Variants in KLF12 observed in about 807,000 individuals in gnomAD.
KLF12 encodes the protein Krueppel-like factor 12.
In KLF12, 9 loss-of-function variants were observed where a neutral mutation model predicts 37.8. That is an observed-to-expected ratio of 0.24 (90% confidence interval 0.14 to 0.42). The LOEUF (loss-of-function observed/expected upper bound fraction) is 0.42. Among genes scored for constraint, KLF12 ranks in the 10% least tolerant of loss-of-function variants. KLF12 has a pLI of 1.00. For missense variants in KLF12, 411 were observed against 516.0 expected (o/e 0.80, Z 1.97); for synonymous variants, 208 against 202.1 (o/e 1.03, Z -0.25).
intron 3 of KLF12, among the ~76,000 whole-genome samples, chr13:73,852,893 G>C (rs1885407528): frequency 1.4e-5 from 2 of 142,386 alleles, no homozygotes; most frequent in Non-Finnish European, 3.0e-5. Flanking sequence ...TTTTTGAGAC[G>C]GAGTCTTGGT....
At chr13:74,012,374 G>C (rs1892573027) in intron 1 of KLF12, among the ~76,000 whole-genome samples, 1 of 152,152 alleles carries the variant, frequency 6.6e-6, no homozygotes, top group Non-Finnish European at 1.5e-5. Flanking sequence ...AGTCCCAGAG[G>C]ACCAGAAATA....
At chr13:73,715,267 AGG>A in intron 7 of KLF12, 99 bp downstream of exon 7, 1 of 919,308 alleles carries the variant, frequency 1.1e-6, no homozygotes, top group South Asian at 1.8e-5. Context: ...TGGACTTGAG[AGG>A]TACACAGGAT....
chr13:74,051,827 G>T (rs1351449073), intron 1 of KLF12, among the ~76,000 whole-genome samples: 1 of 152,134 alleles, frequency 6.6e-6, no homozygotes, highest in Non-Finnish European at 1.5e-5. Flanking sequence ...GCACAGTAGG[G>T]TGACTATAGT....
intron 3 of KLF12, among the ~76,000 whole-genome samples, chr13:73,885,385 C>T (rs1887174599): frequency 6.6e-6 from 1 of 152,122 alleles, no homozygotes; most frequent in African/African-American, 2.4e-5. Flanking sequence ...CCAAATACAC[C>T]CCATATTGGT....
chr13:74,254,583 C>T, the KLF12 span, among the ~76,000 whole-genome samples: 1 of 152,254 alleles, frequency 6.6e-6, no homozygotes, highest in East Asian at 1.9e-4. Context: ...ACCTCAAAGC[C>T]CATGATCACA....
At chr13:74,020,989 T>C (rs1395877416) in intron 1 of KLF12, among the ~76,000 whole-genome samples, 2 of 152,094 alleles carry the variant, frequency 1.3e-5, no homozygotes, top group Non-Finnish European at 2.9e-5. Flanking sequence ...GGTTTTCCAT[T>C]ACCATCAAGA....
chr13:74,077,071 T>C (rs1209840803), intron 1 of KLF12, among the ~76,000 whole-genome samples: 1 of 152,214 alleles, frequency 6.6e-6, no homozygotes, highest in East Asian at 1.9e-4. Context: ...GTTGATTCCA[T>C]GTCTTTGCTA....
At chr13:74,058,438 G>T (rs1873383282) in intron 1 of KLF12, among the ~76,000 whole-genome samples, 1 of 140,282 alleles carries the variant, frequency 7.1e-6, no homozygotes. Flanking sequence ...CTCACTGCAA[G>T]CTCCGCCTCC....
At chr13:74,067,755 C>G (rs749330547) in intron 1 of KLF12, among the ~76,000 whole-genome samples, 1 of 152,092 alleles carries the variant, frequency 6.6e-6, no homozygotes, top group African/African-American at 2.4e-5. Flanking sequence ...GACAGAGAAA[C>G]AGATATATAA....
intron 6 of KLF12, among the ~76,000 whole-genome samples, chr13:73,750,006 A>G (rs1878634283): frequency 6.6e-6 from 1 of 152,194 alleles, no homozygotes; most frequent in Non-Finnish European, 1.5e-5. Context: ...AGATCACATA[A>G]TTAGAGAGTG....
chr13:73,751,443 T>C (rs932961207), intron 6 of KLF12, among the ~76,000 whole-genome samples: 1 of 152,124 alleles, frequency 6.6e-6, no homozygotes, highest in African/African-American at 2.4e-5. Flanking sequence ...TGGTGTAAGA[T>C]GGAATCTAAA....
chr13:73,807,258 G>A (rs1024541783), intron 5 of KLF12, among the ~76,000 whole-genome samples: 4 of 151,336 alleles, frequency 2.6e-5, no homozygotes, highest in African/African-American at 9.7e-5. Context: ...GCAGTGAGCC[G>A]AGATCGTGCC....
At chr13:73,823,694 T>C (rs1883666296) in intron 4 of KLF12, among the ~76,000 whole-genome samples, 1 of 150,492 alleles carries the variant, frequency 6.6e-6, no homozygotes. Context: ...TGGTTATCTC[T>C]CTTCATTTGT....
intron 3 of KLF12, among the ~76,000 whole-genome samples, chr13:73,934,009 C>T (rs1450504732): frequency 6.6e-6 from 1 of 152,086 alleles, no homozygotes; most frequent in Non-Finnish European, 1.5e-5. Context: ...TTTCCCTCTC[C>T]CCCAACACCT....
At chr13:74,197,476 C>T in the KLF12 span, among the ~76,000 whole-genome samples, 1 of 151,798 alleles carries the variant, frequency 6.6e-6, no homozygotes, top group Admixed American at 6.6e-5. Context: ...ACACACACAC[C>T]CCACACACTC....
intron 1 of KLF12, among the ~76,000 whole-genome samples, chr13:74,051,366 A>ACG (rs1261551764): frequency 6.6e-6 from 1 of 151,668 alleles, no homozygotes. Flanking sequence ...ACACACACAC[A>ACG]CACACACACA....
At chr13:74,195,136 T>A in the KLF12 span, among the ~76,000 whole-genome samples, 2 of 152,220 alleles carry the variant, frequency 1.3e-5, no homozygotes, top group African/African-American at 4.8e-5. Flanking sequence ...CCAGTTTTTT[T>A]ATTGGCAGGA....
chr13:74,293,037 A>G, the KLF12 span, among the ~76,000 whole-genome samples: 1 of 152,208 alleles, frequency 6.6e-6, no homozygotes. Flanking sequence ...ACATAGGTGC[A>G]ATGGCCAGAA....
In KLF12 at chr13:74,029,172, G is replaced by A. The variant is rs182523076; in HGVS notation, c.-31-34119C>T. Among the ~76,000 whole-genome samples, 576 of 152,156 alleles carry A rather than the reference G, an allele frequency of 3.8e-3. 1 individual carries two copies. Among genetic ancestry groups the A allele is most frequent in the Non-Finnish European group, 5.5e-3 (377 of 67,942 alleles). On this transcript the variant is annotated intron_variant, in intron 1 of 7. Coordinates refer to ENST00000377669, the MANE Select transcript of KLF12 (RefSeq NM_007249.5). Reference sequence around the variant, plus strand: ...GTGGGACTAAGACCAACCAAGTACCGATCCTCTATTGCCTACCATTCCCAA... The same window carrying A: ...GTGGGACTAAGACCAACCAAGTACCAATCCTCTATTGCCTACCATTCCCAA...
Sources: allele counts gnomAD v4.1 joint callset (sites outside exome capture counted in the v4.1 genomes callset), GRCh38; gene constraint gnomAD v4.1.1; transcripts MANE v1.5; gene names NCBI Gene and HGNC (gene_info 2026-07-23, HGNC 2026-07-21).